Variants in CSMD1 observed in about 807,000 individuals in gnomAD.
CSMD1 encodes the protein CUB and Sushi multiple domains 1, also known as CUB and sushi domain-containing protein 1.
In CSMD1, 213 loss-of-function variants were observed where a neutral mutation model predicts 417.5. The ratio of observed to expected loss-of-function variants is 0.51; its 90% CI spans 0.46 to 0.57. CSMD1 has a LOEUF of 0.57. CSMD1 is among the 20% of genes least tolerant of loss of function. The pLI is 0.00. For missense variants in CSMD1, 6,923 were observed against 4,529.7 expected, an observed-to-expected ratio of 1.53 and a Z score of -15.17; for synonymous variants, 2,862 against 1,736.8, an observed-to-expected ratio of 1.65 and a Z score of -16.11.
At chr8:4,098,325 G>A (rs1366042903) in intron 3 of CSMD1, among the ~76,000 whole-genome samples, 4 of 152,112 alleles carry the variant, frequency 2.6e-5, no homozygotes, top group African/African-American at 9.7e-5. Flanking sequence ...GTATCACACT[G>A]AGAATAAATG....
intron 2 of CSMD1, among the ~76,000 whole-genome samples, chr8:4,420,354 T>A (rs1217535): frequency 0.016 from 2,508 of 152,184 alleles, 74 homozygotes; most frequent in African/African-American, 0.057. Context: ...GGATGGCAAT[T>A]ATCTACTGCC....
At chr8:4,024,218 A>T (rs1796944643) in intron 4 of CSMD1, among the ~76,000 whole-genome samples, 1 of 152,212 alleles carries the variant, frequency 6.6e-6, no homozygotes, top group South Asian at 2.1e-4. Context: ...TGGGAAACAG[A>T]AGTGATGTAA....
intron 2 of CSMD1, among the ~76,000 whole-genome samples, chr8:4,423,288 C>T (rs142484114): frequency 2.0e-5 from 3 of 152,154 alleles, no homozygotes; most frequent in Admixed American, 1.3e-4. Context: ...TTGAAGTTGG[C>T]ATGATGATCT....
chr8:3,726,427 T>C (rs1263911660), intron 6 of CSMD1, among the ~76,000 whole-genome samples: 7 of 152,198 alleles, frequency 4.6e-5, no homozygotes, highest in Non-Finnish European at 1.0e-4. Flanking sequence ...GGAATGAGAT[T>C]GGTGACAAGG....
intron 3 of CSMD1, among the ~76,000 whole-genome samples, chr8:4,315,718 A>G (rs916804572): frequency 3.3e-5 from 5 of 152,182 alleles, no homozygotes; most frequent in African/African-American, 1.2e-4. Context: ...GTAGGTATAG[A>G]TTGAGCTGTG....
intron 3 of CSMD1, among the ~76,000 whole-genome samples, chr8:4,205,824 C>T (rs753459221): frequency 6.6e-6 from 1 of 151,956 alleles, no homozygotes; most frequent in African/African-American, 2.4e-5. Flanking sequence ...GAAAATTCTC[C>T]CCCATTAACA....
At chr8:3,527,540 C>T (rs1797803632) in intron 10 of CSMD1, among the ~76,000 whole-genome samples, 1 of 152,030 alleles carries the variant, frequency 6.6e-6, no homozygotes, top group African/African-American at 2.4e-5. Context: ...CGATTGTGGC[C>T]ATGGTCACAA....
At chr8:3,071,839 C>T (rs567524115) in intron 49 of CSMD1, among the ~76,000 whole-genome samples, 13 of 152,274 alleles carry the variant, frequency 8.5e-5, no homozygotes, top group African/African-American at 2.9e-4. Context: ...GTCACCAAAC[C>T]TGTCCAGTTA....
intron 37 of CSMD1, among the ~76,000 whole-genome samples, chr8:3,174,270 G>C (rs1302492519): frequency 1.3e-5 from 2 of 152,220 alleles, no homozygotes; most frequent in East Asian, 1.9e-4. Context: ...GAGGTGCAAA[G>C]ATGGCTTAAG....
At chr8:4,631,749 C>G (rs1251652054) in intron 2 of CSMD1, among the ~76,000 whole-genome samples, 1 of 152,156 alleles carries the variant, frequency 6.6e-6, no homozygotes, top group Non-Finnish European at 1.5e-5. Context: ...TTTAATGGCC[C>G]TATCACATTC....
At chr8:3,446,291 T>C (rs1815303897) in intron 12 of CSMD1, among the ~76,000 whole-genome samples, 1 of 152,218 alleles carries the variant, frequency 6.6e-6, no homozygotes, top group Non-Finnish European at 1.5e-5. Flanking sequence ...TATTGTAAAA[T>C]TAGTTTTCTT....
chr8:4,020,777 G>T (rs1011792909), intron 4 of CSMD1, among the ~76,000 whole-genome samples: 1 of 152,168 alleles, frequency 6.6e-6, no homozygotes, highest in East Asian at 1.9e-4. Context: ...CTTGAGATAA[G>T]GTCTGAAATG....
At position 3,187,907 on chromosome 8, in the gene CSMD1, C is replaced by G. The variant is rs1796161136; in HGVS notation, c.5582G>C (p.Gly1861Ala). 6.2e-7 allele frequency: 1 copy of G among 1,613,182 alleles called. No individual in the cohort carries two copies. Among genetic ancestry groups the G allele is most frequent in the Non-Finnish European group, 8.5e-7 (1 of 1,179,604 alleles). The change falls in exon 36 of 70, where the codon GGT (glycine) becomes GCT (alanine). Residue 1861 changes from glycine (G) to alanine (A), a missense_variant. Coordinates refer to ENST00000635120, the MANE Select transcript of CSMD1 (RefSeq NM_033225.6). ...CAGTCTGGGTGCGGTCACATCCCCA[C>G]CATCGTGGATCTCAAGGGAGTCCCA... ...QNWDSLEIHD[G>A]GDVTAPRLGS...
At chr8:3,831,846 G>C (rs540344424) in intron 5 of CSMD1, among the ~76,000 whole-genome samples, 2 of 152,114 alleles carry the variant, frequency 1.3e-5, no homozygotes, top group Non-Finnish European at 2.9e-5. Context: ...TGCTATCCTT[G>C]TTCATATAAC....
chr8:4,548,284 C>T (rs1397893875), intron 2 of CSMD1, among the ~76,000 whole-genome samples: 1 of 152,098 alleles, frequency 6.6e-6, no homozygotes, highest in Non-Finnish European at 1.5e-5. Flanking sequence ...AAAAAGTTCA[C>T]TTTTTAATTT....
chr8:2,948,314 C>T (rs1030050128), intron 68 of CSMD1, among the ~76,000 whole-genome samples: 1 of 151,794 alleles, frequency 6.6e-6, no homozygotes, highest in Non-Finnish European at 1.5e-5. Flanking sequence ...AAGAAATAGG[C>T]TCAAGAATAT....
At chr8:4,086,619 C>T (rs1338091611) in intron 3 of CSMD1, among the ~76,000 whole-genome samples, 1 of 152,170 alleles carries the variant, frequency 6.6e-6, no homozygotes, top group African/African-American at 2.4e-5. Flanking sequence ...ACAATGCAGA[C>T]GCGAGACTTT....
chr8:4,547,751 T>C (rs915730523), intron 2 of CSMD1, among the ~76,000 whole-genome samples: 1 of 152,196 alleles, frequency 6.6e-6, no homozygotes, highest in Non-Finnish European at 1.5e-5. Context: ...ACAAGGAATT[T>C]TGAATGAAAA....
At chr8:3,926,026 CACACACACACACACACAA>C (rs1809644462) in intron 5 of CSMD1, among the ~76,000 whole-genome samples, 1 of 125,250 alleles carries the variant, frequency 8.0e-6, no homozygotes, top group African/African-American at 3.2e-5. Context: ...CACACACACA[CACACACACACACACACAA>C]ACACCATATA....
Sources: allele counts gnomAD v4.1 joint callset (sites outside exome capture counted in the v4.1 genomes callset), GRCh38; gene constraint gnomAD v4.1.1; transcripts MANE v1.5; gene names NCBI Gene and HGNC (gene_info 2026-07-23, HGNC 2026-07-21).